UBN2: variants seen among roughly 807,000 people sequenced by gnomAD.
UBN2 encodes the protein ubinuclein-2.
A neutral mutation model predicts 120.2 loss-of-function variants in UBN2; 35 were observed. The ratio of observed to expected loss-of-function variants is 0.29; its 90% CI spans 0.22 to 0.39. The LOEUF is 0.39. Ranked by LOEUF, UBN2 falls within the 10% of genes least tolerant of loss-of-function variation. The pLI is 1.00. For missense variants in UBN2, 1,693 were observed against 1,663.2 expected (o/e 1.02, Z -0.31); for synonymous variants, 661 against 648.7 (o/e 1.02, Z -0.29).
intron 11 of UBN2, among the ~76,000 whole-genome samples, 179 bp from the exon 12 acceptor site, chr7:139,275,918 T>C (rs2131017681): frequency 6.6e-6 from 1 of 152,324 alleles, no homozygotes; most frequent in Middle Eastern, 3.4e-3. Flanking sequence ...TAGGTTATAG[T>C]GAGCTATGAA....
intron 3 of UBN2, among the ~76,000 whole-genome samples, chr7:139,257,511 C>T (rs1307843982): frequency 4.0e-5 from 6 of 151,892 alleles, no homozygotes; most frequent in South Asian, 2.1e-4. Context: ...CAGGTTCAAG[C>T]GATTCTCCTG....
the UBN2 span, among the ~76,000 whole-genome samples, chr7:139,314,476 T>TGTAGGATTACTTATTTAA: frequency 6.6e-6 from 1 of 151,910 alleles, no homozygotes. Context: ...GAAGTGTATT[T>TGTAGGATTACTTATTTAA]GTAGGATTAC....
In UBN2 at chr7:139,259,383, A is replaced by G. The variant is rs910044844; in HGVS notation, c.905+13A>G. On this transcript the variant is annotated intron_variant, in intron 5 of 17. Transcript: ENST00000473989. ...CCAAACAACTGGGGTACGTTAAATT[A>G]AACCTAAGAAGGGAACTGGCGTCAC... The G allele has an allele frequency of 1.2e-6, 2 of 1,612,316 alleles. No homozygotes were observed. Among genetic ancestry groups the G allele is most frequent in the African/African-American group, 2.7e-5 (2 of 74,660 alleles).
rs555596934 is a variant in UBN2 at position 139,307,992 on chromosome 7, A to T, written c.*10156A>T. On this transcript the variant is annotated 3_prime_UTR_variant, in exon 18 of 18. Transcript: ENST00000473989. ...CCTGTGAATTTAGTAAATTACCCCC[A>T]TGAATATACTCCTTCAGTGCAGGGA... The T allele has an allele frequency of 6.6e-6, 1 of 151,246 alleles. No individual in the cohort carries two copies. Among genetic ancestry groups the T allele is most frequent in the East Asian group, 1.9e-4 (1 of 5,152 alleles). 9.4% of individuals were successfully genotyped at this position (151,246 alleles called of 1,614,324 possible). A position where few individuals can be genotyped will look rare whatever the true frequency, so the allele number is the denominator to read the frequency against.
intron 3 of UBN2, among the ~76,000 whole-genome samples, chr7:139,258,004 C>G (rs1796813777): frequency 6.6e-6 from 1 of 152,130 alleles, no homozygotes; most frequent in Non-Finnish European, 1.5e-5. Flanking sequence ...GAACTCCTGA[C>G]CCCAGGTGAT....
downstream of UBN2, among the ~76,000 whole-genome samples, chr7:139,310,860 A>G (rs984976552): frequency 2.6e-5 from 4 of 152,220 alleles, no homozygotes; most frequent in African/African-American, 7.2e-5. Flanking sequence ...ACATCAGCAC[A>G]TAGAGGTCTG....
intron 2 of UBN2, among the ~76,000 whole-genome samples, chr7:139,245,037 G>A (rs1347106484): frequency 6.6e-6 from 1 of 150,502 alleles, no homozygotes; most frequent in African/African-American, 2.5e-5. Flanking sequence ...GGGCTCAAGC[G>A]ATCCTCCCAC....
chr7:139,297,775 T>C lies in UBN2; in HGVS notation c.3995-12T>C, dbSNP rs747299812. On this transcript the variant is annotated splice_polypyrimidine_tract_variant and intron_variant, in intron 17 of 17. Transcript: ENST00000473989. ...TATGGACCCATACCAATTTAACGTCTCTTTTTCTCAGATGGAGGCCAAAGT... is the reference window on the plus strand; with the variant it reads ...TATGGACCCATACCAATTTAACGTCCCTTTTTCTCAGATGGAGGCCAAAGT... The C allele has an allele frequency of 6.2e-7, 1 of 1,614,078 alleles. No individual in the cohort carries two copies. The highest frequency in any genetic ancestry group is 8.5e-7 in the Non-Finnish European group (1 of 1,179,932).
chr7:139,319,743 G>A, the UBN2 span, among the ~76,000 whole-genome samples: 6 of 152,050 alleles, frequency 3.9e-5, no homozygotes, highest in Admixed American at 3.3e-4. Context: ...TGTTAGCTCA[G>A]TCATGCTTTA....
intron 3 of UBN2, among the ~76,000 whole-genome samples, chr7:139,257,890 A>G (rs545551730): frequency 3.3e-5 from 5 of 152,138 alleles, no homozygotes; most frequent in Non-Finnish European, 7.4e-5. Context: ...GGTTCAAGGG[A>G]TTCTCCTGTC....
At chr7:139,232,480 T>A (rs1048551740) in intron 1 of UBN2, among the ~76,000 whole-genome samples, 13 of 152,238 alleles carry the variant, frequency 8.5e-5, no homozygotes, top group Non-Finnish European at 1.9e-4. Context: ...GCCTGTGATA[T>A]TTTTCTTAAT....
intron 11 of UBN2, among the ~76,000 whole-genome samples, chr7:139,274,802 TGTA>T (rs1797392217): frequency 6.7e-6 from 1 of 150,076 alleles, no homozygotes; most frequent in African/African-American, 2.4e-5. Context: ...AAATAGTCAG[TGTA>T]GGCCAGGTGC....
Position 139,302,349 on chromosome 7 carries a change from T to TTTA in UBN2, c.*4516_*4518dup, listed in dbSNP as rs1270778594. On this transcript the variant is annotated 3_prime_UTR_variant, in exon 18 of 18. Transcript: ENST00000473989. ...CCATGTTTGCAAAACTTCTGCCTTG[T>TTTA]TTATTCCATTGCTTTTAGTTGATTA... 1 of 152,234 alleles carries TTTA rather than the reference T, an allele frequency of 6.6e-6. No individual in the cohort carries two copies. The highest frequency in any genetic ancestry group is 1.5e-5 in the Non-Finnish European group (1 of 68,040). 9.4% of individuals were successfully genotyped at this position (152,234 alleles called of 1,614,324 possible).
At chr7:139,238,277 G>T (rs938840960) in intron 2 of UBN2, among the ~76,000 whole-genome samples, 2 of 152,154 alleles carry the variant, frequency 1.3e-5, no homozygotes, top group African/African-American at 4.8e-5. Flanking sequence ...ACCCATATGT[G>T]CTGGCTCCTT....
At chr7:139,327,612 C>T in the UBN2 span, among the ~76,000 whole-genome samples, 1 of 152,220 alleles carries the variant, frequency 6.6e-6, no homozygotes, top group African/African-American at 2.4e-5. Context: ...TGCACTCTGC[C>T]CTCGTGACCT....
chr7:139,282,075 C>A lies in UBN2; in HGVS notation c.2118+20C>A, dbSNP rs2131032621. The A allele has an allele frequency of 6.2e-7, 1 of 1,610,992 alleles. No homozygotes were observed. Among genetic ancestry groups the A allele is most frequent in the Non-Finnish European group, 8.5e-7 (1 of 1,177,414 alleles). ...CTTAAGGTAAGTGCTATGGTTGTATCAATCAGTATGTAATATAACACTCTA... is the reference window on the plus strand; with the variant it reads ...CTTAAGGTAAGTGCTATGGTTGTATAAATCAGTATGTAATATAACACTCTA... On this transcript the variant is annotated intron_variant, in intron 14 of 17. Coordinates refer to ENST00000473989, the MANE Select transcript of UBN2 (RefSeq NM_173569.4).
the UBN2 span, among the ~76,000 whole-genome samples, chr7:139,320,518 A>G: frequency 1.3e-5 from 2 of 152,076 alleles, no homozygotes; most frequent in Non-Finnish European, 2.9e-5. Context: ...ACAGAGATTT[A>G]TCTGCACATC....
In UBN2 at chr7:139,245,593, A is replaced by G. The variant is rs140846004; in HGVS notation, c.562-6363A>G. On this transcript the variant is annotated intron_variant, in intron 2 of 17. Transcript: ENST00000473989. ...ATAAATTGTTTGCACTTCTACATAT[A>G]TCTGATTGTGCCCATTACAACAGAA... 4.3e-4 allele frequency among the ~76,000 whole-genome samples: 65 copies of G among 152,322 alleles called. 1 individual carries two copies. In the East Asian group the frequency reaches 0.012, roughly 27 times the overall value.
rs747406338 is a variant in UBN2, at chr7:139,284,267, G to C, written c.3362G>C (p.Arg1121Thr). The C allele has an allele frequency of 6.2e-7, 1 of 1,614,188 alleles. No homozygotes were observed. Among genetic ancestry groups the C allele is most frequent in the Non-Finnish European group, 8.5e-7 (1 of 1,180,032 alleles). ...CAGCCCAGTGGAATGAACATCAGCA[G>C]ACAGTCTCCCACCTTGAATTTATTG... ...HKQPSGMNIS[R>T]QSPTLNLLPS... The change falls in exon 15 of 18, where the codon AGA becomes ACA. Residue 1121 changes from arginine to threonine, a missense_variant. Coordinates refer to ENST00000473989, the MANE Select transcript of UBN2 (RefSeq NM_173569.4).
Sources: gnomAD v4.1 joint callset for allele counts (sites outside exome capture counted in the v4.1 genomes callset) on GRCh38, gnomAD v4.1.1 for gene constraint, MANE v1.5 for transcripts, NCBI Gene and HGNC (gene_info 2026-07-23, HGNC 2026-07-21) for gene names.